The following PPP2R1A variants were observed in gnomAD, a reference collection of about 807,000 sequenced individuals.
PPP2R1A encodes protein phosphatase 2 scaffold subunit Aalpha, also known as serine/threonine-protein phosphatase 2A 65 kDa regulatory subunit A alpha isoform.
In PPP2R1A, 15 loss-of-function variants were observed where a neutral mutation model predicts 67.1. The ratio of observed to expected loss-of-function variants is 0.22; its 90% CI spans 0.15 to 0.34. The LOEUF (loss-of-function observed/expected upper bound fraction) is 0.34, where lower values mean the gene tolerates loss of function less well. Ranked by LOEUF, PPP2R1A falls within the 10% of genes least tolerant of loss-of-function variation. The pLI is 1.00. For synonymous variants in PPP2R1A, 337 were observed against 325.0 expected (o/e 1.04, Z -0.40); for missense variants, 369 against 775.0 (o/e 0.48, Z 6.22).
At chr19:52,199,629 C>G (rs56857087) in intron 1 of PPP2R1A, among the ~76,000 whole-genome samples, 1,687 of 152,264 alleles carry the variant, frequency 0.011, 29 homozygotes, top group African/African-American at 0.038. Context: ...TTCTCTAGTT[C>G]TGGTTCTATG....
intron 13 of PPP2R1A, among the ~76,000 whole-genome samples, chr19:52,222,579 G>A (rs1186408248): frequency 6.6e-6 from 1 of 152,228 alleles, no homozygotes; most frequent in African/African-American, 2.4e-5. Flanking sequence ...TGAAAGATGT[G>A]TATGTAACAC....
chr19:52,210,462 G>A (rs1163949842), intron 3 of PPP2R1A, among the ~76,000 whole-genome samples: 1 of 151,634 alleles, frequency 6.6e-6, no homozygotes, highest in Admixed American at 6.6e-5. Flanking sequence ...GGGCAAGCCA[G>A]GCTGTACCTC....
chr19:52,195,014 A>G (rs2089485259), intron 1 of PPP2R1A, among the ~76,000 whole-genome samples: 1 of 152,146 alleles, frequency 6.6e-6, no homozygotes, highest in African/African-American at 2.4e-5. Context: ...TCAGTAGACT[A>G]GGGTCAGATT....
chr19:52,212,701 G>C lies in PPP2R1A; in HGVS notation c.519G>C (p.Leu173=), dbSNP rs2089682145. 6.2e-7 allele frequency: 1 copy of C among 1,613,788 alleles called. No individual in the cohort carries two copies. Among genetic ancestry groups the C allele is most frequent in the Non-Finnish European group, 8.5e-7 (1 of 1,180,038 alleles). The part of the protein sequence containing the change: ...KAELRQYFRN[L]CSDDTPMVRR... Reference sequence around the variant, plus strand: ...CGACTCCCAGGTACTTCCGGAACCTGTGCTCAGATGACACCCCCATGGTGC... The same window carrying C: ...CGACTCCCAGGTACTTCCGGAACCTCTGCTCAGATGACACCCCCATGGTGC... Residue 173 remains leucine (L), a synonymous_variant, in exon 5 of 15, where the codon CTG becomes CTC. Transcript: ENST00000322088. This position sits in a 1 kb window ranked among gnomAD's most constrained non-coding sequence, Gnocchi z 4.1.
At chr19:52,191,519 C>G (rs1160153621) in intron 1 of PPP2R1A, 1 of 152,162 alleles carries the variant, frequency 6.6e-6, no homozygotes, top group Admixed American at 6.5e-5. Context: ...ACAAGGTGCA[C>G]TGGGTAACCT....
In PPP2R1A at chr19:52,225,814, AC is replaced by A. The variant is rs750893148; in HGVS notation, c.1753+8del. 1.3e-5 allele frequency: 21 copies of A among 1,613,706 alleles called. No homozygotes were observed. In the African/African-American group the frequency reaches 2.8e-4, roughly 22 times the overall value. ...TGCCCAGGAGGCTCTGACTGGTAAGACCTAGAAAGCACGGAGCCCTAGCAGG... is the reference window on the plus strand; with the variant it reads ...TGCCCAGGAGGCTCTGACTGGTAAGACTAGAAAGCACGGAGCCCTAGCAGG... On this transcript the variant is annotated splice_region_variant and intron_variant, in intron 14 of 14. Coordinates refer to ENST00000322088, the MANE Select transcript of PPP2R1A (RefSeq NM_014225.6).
At chr19:52,208,879 AG>A (rs2089636558) in intron 3 of PPP2R1A, among the ~76,000 whole-genome samples, 2 of 152,138 alleles carry the variant, frequency 1.3e-5, no homozygotes, top group South Asian at 4.1e-4. Flanking sequence ...AAAAGTACAC[AG>A]GATTTTAGGC....
chr19:52,202,685 G>A (rs1028975305), intron 2 of PPP2R1A, among the ~76,000 whole-genome samples: 2 of 152,202 alleles, frequency 1.3e-5, no homozygotes, highest in African/African-American at 4.8e-5. Flanking sequence ...AGTCATTCTG[G>A]CCTTTAACTT....
intron 3 of PPP2R1A, among the ~76,000 whole-genome samples, chr19:52,210,168 A>T (rs1183478823): frequency 6.6e-6 from 1 of 152,102 alleles, no homozygotes; most frequent in South Asian, 2.1e-4. Context: ...CCTTTATTTG[A>T]ACATATTGGG....
rs1188001862 is a variant in PPP2R1A at position 52,211,158 on chromosome 19, T to C, written c.271-102T>C. Reference sequence around the variant, plus strand: ...AAGGTCGGGATGGGTAATAGGGAAGTTTTCTCTGAGGAGATGAGCCCATGA... The same window carrying C: ...AAGGTCGGGATGGGTAATAGGGAAGCTTTCTCTGAGGAGATGAGCCCATGA... On this transcript the variant is annotated intron_variant, in intron 3 of 14. Transcript: ENST00000322088. This position sits in a 1 kb window ranked among gnomAD's most constrained non-coding sequence, Gnocchi z 5.3. The C allele has an allele frequency of 1.7e-6, 2 of 1,145,640 alleles. No individual in the cohort carries two copies. Among genetic ancestry groups the C allele is most frequent in the Non-Finnish European group, 2.5e-6 (2 of 809,384 alleles). 71.0% of individuals were successfully genotyped at this position (1,145,640 alleles called of 1,614,324 possible). A position where few individuals can be genotyped will look rare whatever the true frequency, so the allele number is the denominator to read the frequency against.
intron 3 of PPP2R1A, among the ~76,000 whole-genome samples, chr19:52,206,275 G>C (rs557325792): frequency 2.6e-5 from 4 of 152,190 alleles, no homozygotes; most frequent in African/African-American, 9.7e-5. Flanking sequence ...TTAGTGGTCA[G>C]GTAGGTGCCC....
Position 52,222,091 on chromosome 19 carries a change from G to A in PPP2R1A, c.1519-8G>A. The A allele has an allele frequency of 6.2e-7, 1 of 1,604,460 alleles. No homozygotes were observed. Among genetic ancestry groups the A allele is most frequent in the Non-Finnish European group, 8.5e-7 (1 of 1,175,412 alleles). ...GCATACTCACCCCTGCCACTCACTG[G>A]CCCCCAGGTGCTGTCTGAGGTCTGT... On this transcript the variant is annotated splice_polypyrimidine_tract_variant and splice_region_variant and intron_variant, in intron 12 of 14. Transcript: ENST00000322088.
rs1372823047 is a variant in PPP2R1A at position 52,212,870 on chromosome 19, T to G, written c.651+37T>G. 2.5e-6 allele frequency: 4 copies of G among 1,573,134 alleles called. No homozygotes were observed. ...TTCCTGGCCCTCTGCTCTCCCGTCC[T>G]TCTGGTGGTTCCTGCCCATGAAAGA... On this transcript the variant is annotated intron_variant, in intron 5 of 14. Transcript: ENST00000322088. This position sits in a 1 kb window ranked among gnomAD's most constrained non-coding sequence, Gnocchi z 4.1.
At chr19:52,221,974 G>A (rs1438657443) in intron 12 of PPP2R1A, 125 bp from the exon 13 acceptor site, 3 of 940,532 alleles carry the variant, frequency 3.2e-6, no homozygotes, top group Admixed American at 2.9e-5. Flanking sequence ...CACTAACTGA[G>A]TCACCCGTAT....
Position 52,212,527 on chromosome 19 carries a change from C to A in PPP2R1A, c.504-159C>A. On this transcript the variant is annotated intron_variant, in intron 4 of 14. Coordinates refer to ENST00000322088, the MANE Select transcript of PPP2R1A (RefSeq NM_014225.6). This position sits in a 1 kb window ranked among gnomAD's most constrained non-coding sequence, Gnocchi z 4.1. ...CGGACCTGTGGGGTAGGTACTGTTA[C>A]TATCAGCTCCGTTTCATAGGGCTGG... 1.2e-6 allele frequency: 1 copy of A among 813,774 alleles called. No individual in the cohort carries two copies. The highest frequency in any genetic ancestry group is 1.9e-6 in the Non-Finnish European group (1 of 528,676). The allele number at this position is 813,774 out of a possible 1,614,324, so 50.4% of individuals were successfully genotyped here. A position where few individuals can be genotyped will look rare whatever the true frequency, so the allele number is the denominator to read the frequency against.
chr19:52,192,856 C>T (rs1325734052), intron 1 of PPP2R1A, among the ~76,000 whole-genome samples: 1 of 152,104 alleles, frequency 6.6e-6, no homozygotes, highest in Non-Finnish European at 1.5e-5. Context: ...CTAGGCATTC[C>T]ACCCCCCAGG....
At chr19:52,220,797 C>T (rs912075070) in intron 11 of PPP2R1A, among the ~76,000 whole-genome samples, 182 bp from the exon 12 acceptor site, 5 of 152,038 alleles carry the variant, frequency 3.3e-5, no homozygotes, top group African/African-American at 1.2e-4. Flanking sequence ...TGAAAAGATA[C>T]TGTATAAAAA....
Position 52,216,139 on chromosome 19 carries a change from C to A in PPP2R1A, c.993+65C>A. 1 of 1,540,646 alleles carries A rather than the reference C, an allele frequency of 6.5e-7. No individual in the cohort carries two copies. Among genetic ancestry groups the A allele is most frequent in the South Asian group, 1.1e-5 (1 of 89,112 alleles). ...GCCTGCCAAAAAGAGGGGCTGGAGA[C>A]AAGGCTTTGGGGATAGTCAGCTGCA... On this transcript the variant is annotated intron_variant, in intron 8 of 14. Coordinates refer to ENST00000322088, the MANE Select transcript of PPP2R1A (RefSeq NM_014225.6). This position sits in a 1 kb window ranked among gnomAD's most constrained non-coding sequence, Gnocchi z 4.3.
Position 52,220,213 on chromosome 19 carries a change from C to T in PPP2R1A, c.1327C>T (p.Leu443Phe). 1 of 1,614,098 alleles carries T rather than the reference C, an allele frequency of 6.2e-7. No individual in the cohort carries two copies. Among genetic ancestry groups the T allele is most frequent in the South Asian group, 1.1e-5 (1 of 91,084 alleles). Residue 443 changes from leucine (L) to phenylalanine (F), a missense_variant, in exon 11 of 15, where the codon CTT becomes TTT. Coordinates refer to ENST00000322088, the MANE Select transcript of PPP2R1A (RefSeq NM_014225.6). Reference sequence around the variant, plus strand: ...GGGAGTGGAGTTCTTTGATGAGAAACTTAACTCCTTGTGCATGGCCTGGCT... The same window carrying T: ...GGGAGTGGAGTTCTTTGATGAGAAATTTAACTCCTTGTGCATGGCCTGGCT... ...QLGVEFFDEKLNSLCMAWLVD... is the reference protein window; with the variant it reads ...QLGVEFFDEKFNSLCMAWLVD...
Sources: allele counts gnomAD v4.1 joint callset (sites outside exome capture counted in the v4.1 genomes callset), GRCh38; gene constraint gnomAD v4.1.1; non-coding constraint Gnocchi (gnomAD v3.1); transcripts MANE v1.5; gene names NCBI Gene and HGNC (gene_info 2026-07-23, HGNC 2026-07-21).